The following PDSS2 variants were observed in gnomAD, a reference collection of about 807,000 sequenced individuals.
The protein encoded by PDSS2 is decaprenyl diphosphate synthase subunit 2, also known as all trans-polyprenyl-diphosphate synthase PDSS2.
A neutral mutation model predicts 44.5 loss-of-function variants in PDSS2; 31 were observed. The observed-to-expected ratio is 0.70, with a 90% CI of 0.52 to 0.94. PDSS2 has a LOEUF of 0.94. Among genes scored for constraint, PDSS2 ranks in the 40% least tolerant of loss-of-function variants. The pLI, the probability that PDSS2 is intolerant of heterozygous loss-of-function variation, is 0.00. For missense variants in PDSS2, 452 were observed against 482.2 expected (o/e 0.94, Z 0.59); for synonymous variants, 157 against 180.3 (o/e 0.87, Z 1.03).
intron 7 of PDSS2, among the ~76,000 whole-genome samples, chr6:107,169,158 C>T (rs1338797374): frequency 7.9e-5 from 12 of 152,030 alleles, no homozygotes; most frequent in East Asian, 3.8e-4. Flanking sequence ...CCATATTTCT[C>T]GGAGGCTTTG....
intron 4 of PDSS2, among the ~76,000 whole-genome samples, chr6:107,224,515 G>A (rs964355993): frequency 3.3e-5 from 5 of 151,408 alleles, no homozygotes; most frequent in East Asian, 1.9e-4. Context: ...GGCAGAGCAC[G>A]GACAGAGAGG....
At chr6:107,458,313 G>GT (rs1465776644) in intron 1 of PDSS2, among the ~76,000 whole-genome samples, 11 of 144,950 alleles carry the variant, frequency 7.6e-5, no homozygotes, top group Non-Finnish European at 1.2e-4. Context: ...GTGAAACCCC[G>GT]TATCTACTAA....
chr6:107,163,637 C>G (rs1301540894), intron 7 of PDSS2, among the ~76,000 whole-genome samples: 2 of 150,196 alleles, frequency 1.3e-5, no homozygotes, highest in Non-Finnish European at 3.0e-5. Context: ...GAGTCTTGCT[C>G]TGTCACCCAG....
intron 2 of PDSS2, among the ~76,000 whole-genome samples, chr6:107,316,952 A>AT (rs1314584625): frequency 6.6e-6 from 1 of 152,234 alleles, no homozygotes; most frequent in East Asian, 1.9e-4. Context: ...ACAGATAATC[A>AT]TAAGATGTCA....
chr6:107,190,670 G>A (rs909699029), intron 7 of PDSS2, among the ~76,000 whole-genome samples: 1 of 152,168 alleles, frequency 6.6e-6, no homozygotes. Flanking sequence ...AAGCTTCATA[G>A]GATGAGCAGA....
intron 2 of PDSS2, among the ~76,000 whole-genome samples, chr6:107,301,072 A>G (rs1328087475): frequency 1.3e-5 from 2 of 152,238 alleles, no homozygotes; most frequent in Non-Finnish European, 2.9e-5. Flanking sequence ...CCGAGTGAAC[A>G]CACATTAAGT....
At chr6:107,277,767 A>G (rs1272926565) in intron 2 of PDSS2, among the ~76,000 whole-genome samples, 1 of 152,142 alleles carries the variant, frequency 6.6e-6, no homozygotes, top group East Asian at 1.9e-4. Context: ...AACCTGGCCA[A>G]CATGGTGAAA....
intron 1 of PDSS2, among the ~76,000 whole-genome samples, chr6:107,334,725 A>C (rs1021364945): frequency 9.2e-5 from 14 of 151,694 alleles, no homozygotes; most frequent in African/African-American, 2.4e-4. Flanking sequence ...AAAAAAAAAA[A>C]AACGTAGAGT....
At chr6:107,192,366 T>C in intron 7 of PDSS2, 1 of 511,064 alleles carries the variant, frequency 2.0e-6, no homozygotes. Context: ...AGCTGCAGAG[T>C]CTGAGACCCC....
At chr6:107,406,823 G>A (rs1282697627) in intron 1 of PDSS2, among the ~76,000 whole-genome samples, 4 of 152,210 alleles carry the variant, frequency 2.6e-5, no homozygotes, top group African/African-American at 9.6e-5. Flanking sequence ...CAGGTGAAGT[G>A]GGTAGAATAA....
intron 4 of PDSS2, among the ~76,000 whole-genome samples, chr6:107,215,034 T>C (rs1490510840): frequency 6.6e-6 from 1 of 152,168 alleles, no homozygotes; most frequent in African/African-American, 2.4e-5. Context: ...AGAGAAACAA[T>C]GCATAATGTT....
chr6:107,156,712 T>C (rs1770911201), intron 7 of PDSS2, among the ~76,000 whole-genome samples: 1 of 152,116 alleles, frequency 6.6e-6, no homozygotes, highest in Non-Finnish European at 1.5e-5. Context: ...TAGAGAGCTT[T>C]CCCTCTTGCA....
intron 2 of PDSS2, among the ~76,000 whole-genome samples, chr6:107,326,226 C>T (rs1022073801): frequency 6.6e-6 from 1 of 151,808 alleles, no homozygotes; most frequent in African/African-American, 2.4e-5. Context: ...CCTCAGCCTC[C>T]CGAGTAGCTG....
At chr6:107,331,121 C>G (rs1402872894) in intron 2 of PDSS2, among the ~76,000 whole-genome samples, 1 of 152,168 alleles carries the variant, frequency 6.6e-6, no homozygotes, top group South Asian at 2.1e-4. Flanking sequence ...GTACTTCCCT[C>G]AAATGTTAAA....
intron 1 of PDSS2, among the ~76,000 whole-genome samples, chr6:107,405,121 T>C (rs550573388): frequency 3.3e-5 from 5 of 151,856 alleles, no homozygotes; most frequent in South Asian, 4.2e-4. Flanking sequence ...GAGATTGGGA[T>C]TCTAATTTTA....
chr6:107,184,962 T>C (rs956357265), intron 7 of PDSS2, among the ~76,000 whole-genome samples: 1 of 151,476 alleles, frequency 6.6e-6, no homozygotes, highest in African/African-American at 2.4e-5. Context: ...AGACAAATGA[T>C]ATGAAATGCA....
At chr6:107,361,381 T>G (rs140825505) in intron 1 of PDSS2, among the ~76,000 whole-genome samples, 467 of 152,358 alleles carry the variant, frequency 3.1e-3, no homozygotes, top group African/African-American at 0.011. Context: ...TATTTCATTA[T>G]AACAGGCAAC....
intron 1 of PDSS2, among the ~76,000 whole-genome samples, chr6:107,369,331 T>C (rs1421133541): frequency 6.6e-6 from 1 of 152,108 alleles, no homozygotes; most frequent in Non-Finnish European, 1.5e-5. Flanking sequence ...GGCAGGGGAA[T>C]TGCTTGAACC....
chr6:107,157,311 G>A (rs1770937894), intron 7 of PDSS2, among the ~76,000 whole-genome samples: 1 of 151,724 alleles, frequency 6.6e-6, no homozygotes, highest in African/African-American at 2.4e-5. Context: ...CAGCCACCCG[G>A]GTAGCTGGGA....
Sources: allele counts gnomAD v4.1 joint callset (sites outside exome capture counted in the v4.1 genomes callset), GRCh38; gene constraint gnomAD v4.1.1; transcripts MANE v1.5; gene names NCBI Gene and HGNC (gene_info 2026-07-23, HGNC 2026-07-21).